CPZ: variants seen among roughly 807,000 people sequenced by gnomAD.
CPZ encodes the protein VEZT/CPZ fusion.
A neutral mutation model predicts 61.8 loss-of-function variants in CPZ; 103 were observed. The observed-to-expected ratio is 1.67, with a 90% CI of 1.42 to 1.96. The LOEUF is 1.96. Ranked by LOEUF, CPZ falls within the 30% of genes most tolerant of loss-of-function variation. CPZ has a pLI of 0.00. For synonymous variants in CPZ, 551 were observed against 373.7 expected (o/e 1.47, Z -5.47); for missense variants, 1,461 against 914.9 (o/e 1.60, Z -7.70).
chr4:8,599,069 G>A (rs1295066048), intron 1 of CPZ, among the ~76,000 whole-genome samples: 3 of 152,190 alleles, frequency 2.0e-5, no homozygotes, highest in Non-Finnish European at 4.4e-5. Flanking sequence ...CTTACGGTGG[G>A]AAGCTTGAGA....
intron 7 of CPZ, chr4:8,611,036 T>G (rs1715618211): frequency 8.5e-6 from 3 of 352,244 alleles, no homozygotes; most frequent in African/African-American, 2.5e-5. Context: ...CCTCACTCTT[T>G]CACTTGCTCA....
chr4:8,605,797 C>T (rs1167875393), intron 4 of CPZ, among the ~76,000 whole-genome samples, 192 bp from the exon 5 acceptor site: 1 of 152,224 alleles, frequency 6.6e-6, no homozygotes. Context: ...AGAATTCTGG[C>T]TAGGCATAAA....
At chr4:8,609,137 T>TTC (rs1560297956) in intron 7 of CPZ, among the ~76,000 whole-genome samples, 390 of 29,274 alleles carry the variant, frequency 0.013, 3 homozygotes, top group African/African-American at 0.043. Flanking sequence ...TTCACTCATT[T>TTC]ACTCATTCAC....
At chr4:8,617,486 A>T (rs1716277084) in intron 9 of CPZ, among the ~76,000 whole-genome samples, 1 of 152,250 alleles carries the variant, frequency 6.6e-6, no homozygotes, top group Non-Finnish European at 1.5e-5. Flanking sequence ...AGTATTTAAA[A>T]TTATACAACA....
At chr4:8,605,376 T>A (rs1251504057) in intron 4 of CPZ, among the ~76,000 whole-genome samples, 4 of 127,260 alleles carry the variant, frequency 3.1e-5, no homozygotes, top group African/African-American at 1.1e-4. Flanking sequence ...TACACATCCA[T>A]CCATCATCCA....
At chr4:8,606,983 C>G (rs1715079034) in intron 6 of CPZ, 85 bp downstream of exon 6, 1 of 1,447,466 alleles carries the variant, frequency 6.9e-7, no homozygotes, top group Non-Finnish European at 9.3e-7. Flanking sequence ...GTTGTCCTTC[C>G]CTGGGGACAG....
intron 9 of CPZ, among the ~76,000 whole-genome samples, chr4:8,614,706 TGGC>T (rs1347135073): frequency 2.6e-5 from 4 of 152,036 alleles, no homozygotes; most frequent in African/African-American, 9.7e-5. Flanking sequence ...GGTGCTGGGG[TGGC>T]GGTGCCATGT....
chr4:8,593,232 T>A (rs927760397), intron 1 of CPZ, among the ~76,000 whole-genome samples: 10 of 152,002 alleles, frequency 6.6e-5, no homozygotes, highest in African/African-American at 2.4e-4. Flanking sequence ...GCCCTGCAGG[T>A]GGGTTCGAGG....
chr4:8,608,650 G>C (rs763095559), intron 7 of CPZ, among the ~76,000 whole-genome samples: 1 of 152,156 alleles, frequency 6.6e-6, no homozygotes. Context: ...ACGTGTGTGC[G>C]TGTGCATGCA....
chr4:8,614,629 T>G, intron 9 of CPZ, 131 bp downstream of exon 9: 2 of 976,386 alleles, frequency 2.0e-6, no homozygotes, highest in South Asian at 3.6e-5. Context: ...ACCACTTGTT[T>G]TGGGGTTAAC....
rs1405533087 is a variant in CPZ, at chr4:8,606,216, C to G, written c.906+31C>G. On this transcript the variant is annotated intron_variant, in intron 5 of 10. Coordinates refer to ENST00000360986, the MANE Select transcript of CPZ (RefSeq NM_001014447.3). ...CGCCCAGATGCCTGGATCCTGTGGGCCACCGCCCGAACCACCCCCTCATTC... is the reference window on the plus strand; with the variant it reads ...CGCCCAGATGCCTGGATCCTGTGGGGCACCGCCCGAACCACCCCCTCATTC... The G allele has an allele frequency of 5.7e-6, 9 of 1,590,452 alleles. No individual in the cohort carries two copies. In the African/African-American group the frequency reaches 9.4e-5, roughly 17 times the overall value.
In CPZ at chr4:8,603,601, T is replaced by C. The variant is rs1189163593; in HGVS notation, c.497-375T>C. 1.1e-4 allele frequency: 30 copies of C among 282,120 alleles called. 1 individual carries two copies. The highest frequency in any genetic ancestry group is 1.1e-4 in the Non-Finnish European group (17 of 150,928). The allele number at this position is 282,120 out of a possible 1,614,324, so 17.5% of individuals were successfully genotyped here. A position where few individuals can be genotyped will look rare whatever the true frequency, so the allele number is the denominator to read the frequency against. On this transcript the variant is annotated intron_variant, in intron 3 of 10. Coordinates refer to ENST00000360986, the MANE Select transcript of CPZ (RefSeq NM_001014447.3). Reference sequence around the variant, plus strand: ...CTGAACTGCCTGAGTGCCACTGTCATGGAAAACACGCCCAGGAAAATCCCC... The same window carrying C: ...CTGAACTGCCTGAGTGCCACTGTCACGGAAAACACGCCCAGGAAAATCCCC...
At chr4:8,611,016 TCA>T in intron 7 of CPZ, 2 of 339,756 alleles carry the variant, frequency 5.9e-6, no homozygotes, top group Middle Eastern at 4.2e-4. Context: ...ACTCACTCAT[TCA>T]CTCATTCCCT....
chr4:8,609,059 A>ACTCCCTCACTCACGTACTCACTCC (rs1553877576), intron 7 of CPZ, among the ~76,000 whole-genome samples: 1 of 117,930 alleles, frequency 8.5e-6, no homozygotes, highest in Non-Finnish European at 1.7e-5. Flanking sequence ...TCCCTCCCTC[A>ACTCCCTCACTCACGTACTCACTCC]CTCCCTCACT....
intron 8 of CPZ, among the ~76,000 whole-genome samples, chr4:8,613,502 G>T (rs1577126089): frequency 6.6e-6 from 1 of 152,218 alleles, no homozygotes; most frequent in African/African-American, 2.4e-5. Flanking sequence ...GGACCAGAGA[G>T]ACGGTGACTG....
At chr4:8,608,780 TGCAGG>T (rs142690595) in intron 7 of CPZ, among the ~76,000 whole-genome samples, 1 of 151,750 alleles carries the variant, frequency 6.6e-6, no homozygotes, top group Admixed American at 6.5e-5. Flanking sequence ...GATTTCCAGC[TGCAGG>T]GCAGGGAGGG....
chr4:8,616,412 G>C (rs1021271371), intron 9 of CPZ, among the ~76,000 whole-genome samples: 32 of 152,200 alleles, frequency 2.1e-4, no homozygotes, highest in South Asian at 2.1e-4. Context: ...CTGATGCTGA[G>C]GGCCTCCTGT....
intron 1 of CPZ, among the ~76,000 whole-genome samples, chr4:8,595,243 C>G (rs1267835950): frequency 6.6e-6 from 1 of 152,214 alleles, no homozygotes; most frequent in Non-Finnish European, 1.5e-5. Flanking sequence ...GCTCAGTGGC[C>G]ACGTGTGGCT....
intron 5 of CPZ, 34 bp downstream of exon 5, chr4:8,606,219 C>T (rs1714989686): frequency 1.3e-6 from 2 of 1,579,402 alleles, no homozygotes; most frequent in Admixed American, 3.5e-5. Flanking sequence ...CTGTGGGCCA[C>T]CGCCCGAACC....
Sources: allele counts gnomAD v4.1 joint callset (sites outside exome capture counted in the v4.1 genomes callset), GRCh38; gene constraint gnomAD v4.1.1; transcripts MANE v1.5; gene names NCBI Gene and HGNC (gene_info 2026-07-23, HGNC 2026-07-21).